Variants in AKR1C1 observed in about 807,000 individuals in gnomAD.
The protein encoded by AKR1C1 is 20 alpha-hydroxysteroid dehydrogenase.
AKR1C1 carries 32 observed loss-of-function variants against 40.6 expected under a neutral mutation model. That is an observed-to-expected ratio of 0.79 (90% confidence interval 0.60 to 1.06). The LOEUF is 1.06. Among genes scored for constraint, AKR1C1 ranks in the 50% least tolerant of loss-of-function variants. AKR1C1 has a pLI of 0.00. For synonymous variants in AKR1C1, 105 were observed against 134.2 expected, an observed-to-expected ratio of 0.78 and a Z score of 1.50; for missense variants, 320 against 363.5, an observed-to-expected ratio of 0.88 and a Z score of 0.97.
At chr10:4,971,158 CTTTGTTATTTCTTA>C (rs1342439244) in intron 5 of AKR1C1, among the ~76,000 whole-genome samples, 7 of 151,924 alleles carry the variant, frequency 4.6e-5, no homozygotes, top group Admixed American at 4.6e-4. Context: ...CTGTTTTCTT[CTTTGTTATTTCTTA>C]TTTGTTATTT....
Position 4,977,928 on chromosome 10 carries a change from GA to G in AKR1C1, c.*192del. 2.3e-6 allele frequency: 2 copies of G among 854,306 alleles called. No homozygotes were observed. The highest frequency in any genetic ancestry group is 3.6e-6 in the Non-Finnish European group (2 of 563,012). The allele number at this position is 854,306 out of a possible 1,614,324, so 52.9% of individuals were successfully genotyped here. A position where few individuals can be genotyped will look rare whatever the true frequency, so the allele number is the denominator to read the frequency against. ...GACAATAATTTTGTTTTTTCATTTT[GA>G]AAAAATTAAATGCTCTCTCCTAAAG... On this transcript the variant is annotated 3_prime_UTR_variant, in exon 9 of 9. Coordinates refer to ENST00000380872, the MANE Select transcript of AKR1C1 (RefSeq NM_001353.6).
rs1293550013 is a variant in AKR1C1 at position 4,977,639 on chromosome 10, A to G, written c.930-61A>G. 142 of 1,609,046 alleles carry G rather than the reference A, an allele frequency of 8.8e-5. No individual in the cohort carries two copies. The Middle Eastern group carries it at 1.2e-3, about 13-fold the overall frequency. On this transcript the variant is annotated intron_variant, in intron 8 of 8. Coordinates refer to ENST00000380872, the MANE Select transcript of AKR1C1 (RefSeq NM_001353.6). The stretch of plus-strand genomic sequence containing the variant: ...GCGGCAGCTTCCTAGAAATCACTGC[A>G]CTACCCGCTAGTAACGGAGTCATTG...
At position 4,978,667 on chromosome 10, in the gene AKR1C1, A is replaced by G. The variant is rs1365811272; in HGVS notation, c.*925A>G. 1 of 152,214 alleles carries G rather than the reference A, an allele frequency of 6.6e-6. No individual in the cohort carries two copies. The highest frequency in any genetic ancestry group is 1.5e-5 in the Non-Finnish European group (1 of 68,038). 9.4% of individuals were successfully genotyped at this position (152,214 alleles called of 1,614,324 possible). On this transcript the variant is annotated 3_prime_UTR_variant, in exon 9 of 9. Coordinates refer to ENST00000380872, the MANE Select transcript of AKR1C1 (RefSeq NM_001353.6). ...ATATTCAGTCTTTTAAATATTTTAT[A>G]CATTAAACAGGCATAGTTACAAATA...
chr10:4,967,152 C>G, intron 3 of AKR1C1, 109 bp downstream of exon 3: 3 of 1,227,188 alleles, frequency 2.4e-6, no homozygotes, highest in Non-Finnish European at 3.5e-6. Flanking sequence ...GGGATTATAA[C>G]ATAGAAGAAG....
At chr10:4,969,261 G>T (rs1348675909) in intron 5 of AKR1C1, among the ~76,000 whole-genome samples, 3 of 152,160 alleles carry the variant, frequency 2.0e-5, no homozygotes, top group Non-Finnish European at 4.4e-5. Flanking sequence ...ACCAGAGAAT[G>T]GATGGGTGAA....
intron 8 of AKR1C1, among the ~76,000 whole-genome samples, chr10:4,976,497 C>T (rs1211853414): frequency 1.3e-5 from 2 of 152,156 alleles, no homozygotes; most frequent in Non-Finnish European, 2.9e-5. Flanking sequence ...ACTGCATTTG[C>T]CTCCAGAAAG....
At chr10:4,964,069 A>T (rs1025421867) in intron 1 of AKR1C1, among the ~76,000 whole-genome samples, 33 of 152,338 alleles carry the variant, frequency 2.2e-4, no homozygotes, top group Non-Finnish European at 4.1e-4. Context: ...AGAAAAAAAA[A>T]ATACTAGAAC....
At chr10:4,969,629 A>C (rs1564316177) in intron 5 of AKR1C1, 1 of 1,597,346 alleles carries the variant, frequency 6.3e-7, no homozygotes, top group Non-Finnish European at 8.5e-7. Context: ...TCTGTCATGC[A>C]ATCAGCTGCT....
chr10:4,976,414 T>C (rs1263511504), intron 8 of AKR1C1, among the ~76,000 whole-genome samples: 1 of 152,050 alleles, frequency 6.6e-6, no homozygotes, highest in Non-Finnish European at 1.5e-5. Context: ...TGCTGGATCC[T>C]GTCGATTTAG....
rs376150300 is a variant in AKR1C1 at position 4,982,361 on chromosome 10, A to AC, written c.*4625dup. On this transcript the variant is annotated 3_prime_UTR_variant, in exon 9 of 9. Transcript: ENST00000380872. The stretch of plus-strand genomic sequence containing the variant: ...GACCTTCTTAGAAGAGCTGCGCCCC[A>AC]CCCCCCTCCCTGGACAGCCCAGCTA... 4.1e-4 allele frequency: 44 copies of AC among 106,586 alleles called. No homozygotes were observed. The highest frequency in any genetic ancestry group is 6.2e-4 in the Admixed American group (6 of 9,630). 6.6% of individuals were successfully genotyped at this position (106,586 alleles called of 1,614,324 possible).
In AKR1C1 at chr10:4,977,884, C is replaced by A; in HGVS notation, c.*142C>A. The A allele has an allele frequency of 7.9e-7, 1 of 1,259,900 alleles. No individual in the cohort carries two copies. The highest frequency in any genetic ancestry group is 2.7e-5 in the Admixed American group (1 of 36,426). The allele number at this position is 1,259,900 out of a possible 1,614,324, so 78.0% of individuals were successfully genotyped here. ...TGATTTCAGCAAGCTACAGCAAAGCCCATTGGCCAGAAAGGAAAGACAATA... is the reference window on the plus strand; with the variant it reads ...TGATTTCAGCAAGCTACAGCAAAGCACATTGGCCAGAAAGGAAAGACAATA... On this transcript the variant is annotated 3_prime_UTR_variant, in exon 9 of 9. Transcript: ENST00000380872.
At chr10:4,974,213 T>A (rs1836487814) in intron 7 of AKR1C1, among the ~76,000 whole-genome samples, 1 of 151,852 alleles carries the variant, frequency 6.6e-6, no homozygotes, top group African/African-American at 2.4e-5. Flanking sequence ...TATTTATACA[T>A]ATGTGTATGT....
rs575647161 is a variant in AKR1C1, at chr10:4,977,275, A to G, written c.930-425A>G. Among the ~76,000 whole-genome samples the G allele has an allele frequency of 3.3e-5, 5 of 152,356 alleles. No individual in the cohort carries two copies. The South Asian group carries it at 1.0e-3, about 32-fold the overall frequency. On this transcript the variant is annotated intron_variant, in intron 8 of 8. Transcript: ENST00000380872. ...CAGGTAGTAATATGTAAAGTAATTAAGTATAATTGCTACCAGTATAATCAT... is the reference window on the plus strand; with the variant it reads ...CAGGTAGTAATATGTAAAGTAATTAGGTATAATTGCTACCAGTATAATCAT...
At chr10:4,974,968 C>G (rs1336770625) in intron 7 of AKR1C1, among the ~76,000 whole-genome samples, 1 of 152,080 alleles carries the variant, frequency 6.6e-6, no homozygotes, top group Admixed American at 6.5e-5. Context: ...TAATAAGCCT[C>G]CAGATCAATG....
chr10:4,972,510 A>T, intron 6 of AKR1C1, 74 bp from the exon 7 acceptor site: 2 of 1,610,180 alleles, frequency 1.2e-6, no homozygotes, highest in Non-Finnish European at 1.7e-6. Context: ...TGGACGCCTT[A>T]GTCTGTTTAG....
chr10:4,965,845 C>T lies in AKR1C1; in HGVS notation c.85-69C>T, dbSNP rs1009191885. Reference sequence around the variant, plus strand: ...AGGAAAAGCTGATTTTTGTGAACGTCGCTACTTGTGCCTGAACTAACTCTC... The same window carrying T: ...AGGAAAAGCTGATTTTTGTGAACGTTGCTACTTGTGCCTGAACTAACTCTC... On this transcript the variant is annotated intron_variant, in intron 1 of 8. Transcript: ENST00000380872. 6.5e-6 allele frequency: 10 copies of T among 1,534,948 alleles called. No individual in the cohort carries two copies. In the African/African-American group the frequency reaches 6.9e-5, roughly 11 times the overall value.
intron 5 of AKR1C1, among the ~76,000 whole-genome samples, chr10:4,970,536 G>A (rs1836406971): frequency 6.6e-6 from 1 of 152,072 alleles, no homozygotes; most frequent in Non-Finnish European, 1.5e-5. Flanking sequence ...CCCACTAGTG[G>A]TGAAGGTAGT....
rs184205383 is a variant in AKR1C1, at chr10:4,977,866, A to G, written c.*124A>G. 82 of 1,408,966 alleles carry G rather than the reference A, an allele frequency of 5.8e-5. No homozygotes were observed. In the African/African-American group the frequency reaches 1.1e-3, roughly 19 times the overall value. 87.3% of individuals were successfully genotyped at this position (1,408,966 alleles called of 1,614,324 possible). ...TAAATCTCTCCTGCTTGGTGATTTC[A>G]GCAAGCTACAGCAAAGCCCATTGGC... On this transcript the variant is annotated 3_prime_UTR_variant, in exon 9 of 9. Coordinates refer to ENST00000380872, the MANE Select transcript of AKR1C1 (RefSeq NM_001353.6).
chr10:4,964,286 A>G (rs1402588408), intron 1 of AKR1C1, among the ~76,000 whole-genome samples: 1 of 152,242 alleles, frequency 6.6e-6, no homozygotes, highest in African/African-American at 2.4e-5. Flanking sequence ...GGGACTAGTT[A>G]CATAAAATTT....
Sources: gnomAD v4.1 joint callset for allele counts (sites outside exome capture counted in the v4.1 genomes callset) on GRCh38, gnomAD v4.1.1 for gene constraint, MANE v1.5 for transcripts, NCBI Gene and HGNC (gene_info 2026-07-23, HGNC 2026-07-21) for gene names.